The following CWH43 variants were observed in gnomAD, a reference collection of about 807,000 sequenced individuals.
The protein encoded by CWH43 is cell wall biogenesis 43 C-terminal homolog.
In CWH43, 91 loss-of-function variants were observed where a neutral mutation model predicts 85.7. The observed-to-expected ratio is 1.06, with a 90% CI of 0.90 to 1.26. CWH43 has a LOEUF of 1.26. Ranked by LOEUF, CWH43 falls within the 50% of genes most tolerant of loss-of-function variation. CWH43 has a pLI of 0.00. For missense variants in CWH43, 869 were observed against 839.2 expected, an observed-to-expected ratio of 1.04 and a Z score of -0.44; for synonymous variants, 323 against 293.6, an observed-to-expected ratio of 1.10 and a Z score of -1.02.
At chr4:49,028,102 T>C (rs1783975818) in intron 9 of CWH43, among the ~76,000 whole-genome samples, 1 of 152,238 alleles carries the variant, frequency 6.6e-6, no homozygotes, top group Non-Finnish European at 1.5e-5. Context: ...TGTGACTTTT[T>C]TTAGCACTTT....
intron 4 of CWH43, among the ~76,000 whole-genome samples, chr4:48,993,675 C>T (rs1782723559): frequency 6.6e-6 from 1 of 152,192 alleles, no homozygotes; most frequent in Admixed American, 6.5e-5. Flanking sequence ...AAGAGCTACA[C>T]TGCCTAAGCT....
chr4:49,009,886 T>G (rs1254798629), intron 8 of CWH43, among the ~76,000 whole-genome samples: 2 of 152,222 alleles, frequency 1.3e-5, no homozygotes, highest in Non-Finnish European at 2.9e-5. Context: ...GCCAGTATTT[T>G]ATTGAGGATT....
intron 5 of CWH43, among the ~76,000 whole-genome samples, chr4:48,996,871 C>T (rs902083445): frequency 1.7e-4 from 26 of 152,172 alleles, no homozygotes; most frequent in African/African-American, 5.3e-4. Flanking sequence ...ACACTGAAGA[C>T]GGAACTGCAA....
At chr4:49,009,170 C>G (rs1412227113) in intron 8 of CWH43, among the ~76,000 whole-genome samples, 1 of 152,106 alleles carries the variant, frequency 6.6e-6, no homozygotes, top group Non-Finnish European at 1.5e-5. Context: ...GTTTGTAGTT[C>G]TCCTTGAAGA....
Position 48,988,684 on chromosome 4 carries a change from GT to G in CWH43, c.235+19del. The G allele has an allele frequency of 2.0e-6, 3 of 1,504,376 alleles. No homozygotes were observed. Among genetic ancestry groups the G allele is most frequent in the Non-Finnish European group, 2.7e-6 (3 of 1,117,656 alleles). 93.2% of individuals were successfully genotyped at this position (1,504,376 alleles called of 1,614,324 possible). On this transcript the variant is annotated intron_variant, in intron 2 of 15. Transcript: ENST00000226432. The stretch of plus-strand genomic sequence containing the variant: ...ATCACTATTGGTAAGATTTAAAAGA[GT>G]TTCTTTAAGTTGTTTTTTTTAAGTT...
chr4:49,017,861 A>C (rs1023294791), intron 9 of CWH43, among the ~76,000 whole-genome samples: 1 of 151,034 alleles, frequency 6.6e-6, no homozygotes, highest in African/African-American at 2.4e-5. Context: ...TATTTGATGG[A>C]GTCTCACTCT....
chr4:49,016,843 A>G, intron 8 of CWH43: 1 of 779,944 alleles, frequency 1.3e-6, no homozygotes, highest in East Asian at 2.4e-5. Flanking sequence ...AGTTCATCTG[A>G]CTCCCCAAAG....
chr4:49,017,055 G>C, intron 8 of CWH43, 194 bp from the exon 9 acceptor site: 1 of 739,318 alleles, frequency 1.4e-6, no homozygotes, highest in Non-Finnish European at 2.5e-6. Flanking sequence ...AGCGTCGGCT[G>C]GCACCTTGGT....
intron 7 of CWH43, among the ~76,000 whole-genome samples, chr4:49,005,886 A>G (rs545516078): frequency 5.3e-5 from 8 of 152,168 alleles, no homozygotes; most frequent in Admixed American, 1.3e-4. Flanking sequence ...ACATTTTGCC[A>G]TATGCTTTTC....
intron 14 of CWH43, 118 bp downstream of exon 14, chr4:49,044,965 G>T: frequency 1.4e-6 from 1 of 723,298 alleles, no homozygotes. Flanking sequence ...TTTATAAAAA[G>T]CAATCAATGT....
At position 49,017,848 on chromosome 4, in the gene CWH43, T is replaced by A. The variant is rs888129856; in HGVS notation, c.1266+520T>A. ...AGTAGGTGCTACACATTTTTTTTTT[T>A]TTTATTTGATGGAGTCTCACTCTGC... On this transcript the variant is annotated intron_variant, in intron 9 of 15. Transcript: ENST00000226432. Among the ~76,000 whole-genome samples, 4 of 151,868 alleles carry A rather than the reference T, an allele frequency of 2.6e-5. 1 individual carries two copies. Among genetic ancestry groups the A allele is most frequent in the African/African-American group, 9.7e-5 (4 of 41,368 alleles).
At chr4:49,048,634 G>A (rs1784704424) in intron 14 of CWH43, among the ~76,000 whole-genome samples, 1 of 151,858 alleles carries the variant, frequency 6.6e-6, no homozygotes, top group African/African-American at 2.4e-5. Flanking sequence ...CTTTCCTTGG[G>A]TTGTGCCTGC....
chr4:49,028,742 T>G lies in CWH43; in HGVS notation c.1372+8T>G. The G allele has an allele frequency of 3.2e-6, 5 of 1,549,292 alleles. No homozygotes were observed. Among genetic ancestry groups the G allele is most frequent in the Non-Finnish European group, 3.6e-6 (4 of 1,123,744 alleles). ...ACCTGCTCAATGAAACAGGTAAGTC[T>G]TCCTGGAATTAGTTCCAGGTTTTGA... On this transcript the variant is annotated splice_region_variant and intron_variant, in intron 10 of 15. Coordinates refer to ENST00000226432, the MANE Select transcript of CWH43 (RefSeq NM_025087.3).
chr4:49,030,817 C>A lies in CWH43; in HGVS notation c.1373-8C>A. 1 of 1,532,550 alleles carries A rather than the reference C, an allele frequency of 6.5e-7. No homozygotes were observed. Among genetic ancestry groups the A allele is most frequent in the Non-Finnish European group, 8.7e-7 (1 of 1,146,846 alleles). 94.9% of individuals were successfully genotyped at this position (1,532,550 alleles called of 1,614,324 possible). ...ATCACTGTATGCTACTTTTTTTTTT[C>A]TGAACAGGTGCAGATTTCATAACAA... On this transcript the variant is annotated splice_polypyrimidine_tract_variant and splice_region_variant and intron_variant, in intron 10 of 15. Transcript: ENST00000226432.
chr4:49,049,123 A>G (rs1265395992), intron 14 of CWH43, among the ~76,000 whole-genome samples: 2 of 152,196 alleles, frequency 1.3e-5, no homozygotes, highest in East Asian at 3.8e-4. Flanking sequence ...TAAATAACCT[A>G]GATTTGCTAA....
At chr4:49,061,683 T>C in intron 15 of CWH43, 129 bp from the exon 16 acceptor site, 1 of 814,174 alleles carries the variant, frequency 1.2e-6, no homozygotes, top group East Asian at 4.6e-5. Context: ...TTGCCTTTCC[T>C]ATATGCATGA....
At chr4:49,022,354 T>C (rs898464295) in intron 9 of CWH43, among the ~76,000 whole-genome samples, 5 of 152,238 alleles carry the variant, frequency 3.3e-5, no homozygotes, top group African/African-American at 1.2e-4. Flanking sequence ...ATCACATTTA[T>C]TGACTTACTG....
chr4:49,002,295 CA>C (rs909943088), intron 6 of CWH43, among the ~76,000 whole-genome samples: 2 of 152,094 alleles, frequency 1.3e-5, no homozygotes, highest in African/African-American at 4.8e-5. Context: ...GGAACCTTCA[CA>C]AATGGCCAGC....
At chr4:48,993,373 G>A (rs1281388465) in intron 4 of CWH43, among the ~76,000 whole-genome samples, 1 of 151,986 alleles carries the variant, frequency 6.6e-6, no homozygotes, top group African/African-American at 2.4e-5. Context: ...TGTCACCACC[G>A]CCTTCTCCCA....
Sources: allele counts gnomAD v4.1 joint callset (sites outside exome capture counted in the v4.1 genomes callset), GRCh38; gene constraint gnomAD v4.1.1; transcripts MANE v1.5; gene names NCBI Gene and HGNC (gene_info 2026-07-23, HGNC 2026-07-21).